Variants in RXFP2 observed in about 807,000 individuals in gnomAD.
RXFP2 encodes relaxin receptor 2.
Under a neutral mutation model 88.6 loss-of-function variants are expected in RXFP2, and 68 were observed. That is an observed-to-expected ratio of 0.77 (90% CI 0.63 to 0.94). The LOEUF is 0.94. Among genes scored for constraint, RXFP2 ranks in the 40% least tolerant of loss-of-function variants. The pLI is 0.00. For synonymous variants in RXFP2, 329 were observed against 306.8 expected (o/e 1.07, Z -0.76); for missense variants, 791 against 893.9 (o/e 0.88, Z 1.47).
rs1874435361 is a variant in RXFP2, at chr13:31,803,163, A to T, written c.*758A>T. 6.6e-6 allele frequency: 1 copy of T among 152,290 alleles called. No individual in the cohort carries two copies. The highest frequency in any genetic ancestry group is 1.5e-5 in the Non-Finnish European group (1 of 68,072). The allele number at this position is 152,290 out of a possible 1,614,324, so 9.4% of individuals were successfully genotyped here. On this transcript the variant is annotated 3_prime_UTR_variant, in exon 18 of 18. Coordinates refer to ENST00000298386, the MANE Select transcript of RXFP2 (RefSeq NM_130806.5). ...TAAAGTATAATTTCTTTAGAGCAGT[A>T]TCCCTATTGCTGGCAAGTTCTGCTT...
At chr13:31,740,035 T>C (rs1871166409) in intron 1 of RXFP2, among the ~76,000 whole-genome samples, 2 of 152,128 alleles carry the variant, frequency 1.3e-5, no homozygotes, top group African/African-American at 4.8e-5. Flanking sequence ...ATTAATAAAC[T>C]AAAATTGTGT....
chr13:31,772,094 G>T (rs1872756572), intron 5 of RXFP2, among the ~76,000 whole-genome samples: 1 of 152,158 alleles, frequency 6.6e-6, no homozygotes, highest in African/African-American at 2.4e-5. Flanking sequence ...TTTCTAAATT[G>T]GGGGTGGATG....
rs1354267000 is a variant in RXFP2 at position 31,792,048 on chromosome 13, CCAG to C, written c.1375+14_1375+16del. 1 of 1,559,634 alleles carries C rather than the reference CCAG, an allele frequency of 6.4e-7. No individual in the cohort carries two copies. Among genetic ancestry groups the C allele is most frequent in the Non-Finnish European group, 8.8e-7 (1 of 1,130,668 alleles). On this transcript the variant is annotated intron_variant, in intron 15 of 17. Transcript: ENST00000298386. ...AAAATCCTTTGTTGTAAGTATGTTTCCAGTATAAGTAGATTAAGGATATCTTCT... is the reference window on the plus strand; with the variant it reads ...AAAATCCTTTGTTGTAAGTATGTTTCTATAAGTAGATTAAGGATATCTTCT...
chr13:31,754,017 G>A (rs1244737824), intron 1 of RXFP2, among the ~76,000 whole-genome samples: 1 of 152,144 alleles, frequency 6.6e-6, no homozygotes, highest in African/African-American at 2.4e-5. Context: ...TGGAAAATGG[G>A]GAATGACAAG....
At chr13:31,798,770 C>A (rs1438713001) in intron 17 of RXFP2, among the ~76,000 whole-genome samples, 1 of 152,166 alleles carries the variant, frequency 6.6e-6, no homozygotes, top group Non-Finnish European at 1.5e-5. Context: ...TGAGAAGACA[C>A]CAGCCTTTCC....
In RXFP2 at chr13:31,739,700, G is replaced by A. The variant is rs765506676; in HGVS notation, c.88G>A (p.Val30Ile). Residue 30 changes from valine to isoleucine, a missense_variant, in exon 1 of 18, where the codon GTC (valine) becomes ATC (isoleucine). Physicochemically the swap from Val to Ile is conservative, Grantham distance 29. Transcript: ENST00000298386. ...ACTTCATTTCATCGTTCTGATCAAT[G>A]TCAAAGGTAAGGTTGCTACTTTCTC... is the stretch of plus-strand genomic sequence containing the variant. The part of the protein sequence containing the change: ...FLLHFIVLIN[V>I]KDFALTQGSM... 1 of 1,595,280 alleles carries A rather than the reference G, an allele frequency of 6.3e-7. No individual in the cohort carries two copies. Among genetic ancestry groups the A allele is most frequent in the East Asian group, 2.2e-5 (1 of 44,760 alleles).
chr13:31,758,465 G>T (rs1872082049), intron 2 of RXFP2, 61 bp downstream of exon 2: 2 of 1,583,676 alleles, frequency 1.3e-6, no homozygotes, highest in South Asian at 2.2e-5. Flanking sequence ...AAAACTGTGG[G>T]TCGGTTGGAT....
chr13:31,778,206 A>G (rs1038819641), intron 8 of RXFP2, among the ~76,000 whole-genome samples: 1 of 152,200 alleles, frequency 6.6e-6, no homozygotes, highest in African/African-American at 2.4e-5. Context: ...GTTTACAAGG[A>G]AAATTACCAT....
intron 8 of RXFP2, among the ~76,000 whole-genome samples, chr13:31,778,109 A>G (rs1292317228): frequency 2.6e-5 from 4 of 152,298 alleles, no homozygotes; most frequent in African/African-American, 9.6e-5. Context: ...GCAGTTTCCA[A>G]TGTGGCCCTT....
intron 1 of RXFP2, among the ~76,000 whole-genome samples, chr13:31,746,132 C>A (rs1442961549): frequency 6.6e-6 from 1 of 152,178 alleles, no homozygotes; most frequent in Non-Finnish European, 1.5e-5. Flanking sequence ...TCCAGAACTC[C>A]AGCCCCTGAT....
At chr13:31,771,865 G>A (rs1048810398) in intron 5 of RXFP2, among the ~76,000 whole-genome samples, 1 of 151,594 alleles carries the variant, frequency 6.6e-6, no homozygotes, top group Non-Finnish European at 1.5e-5. Context: ...GTTGTCCTGC[G>A]AGATCACCAA....
Position 31,777,449 on chromosome 13 carries a change from T to A in RXFP2, c.713+2T>A. On this transcript the variant is annotated splice_donor_variant, in intron 8 of 17. Transcript: ENST00000298386. LOFTEE classifies it high-confidence loss of function. ...GGGATTAAATTCCTTGTTTTTCCTGTAAGTATTCATCAACCTTTCAATACA... is the reference window on the plus strand; with the variant it reads ...GGGATTAAATTCCTTGTTTTTCCTGAAAGTATTCATCAACCTTTCAATACA... 1 of 1,596,794 alleles carries A rather than the reference T, an allele frequency of 6.3e-7. No individual in the cohort carries two copies. The highest frequency in any genetic ancestry group is 8.6e-7 in the Non-Finnish European group (1 of 1,165,406).
Position 31,765,090 on chromosome 13 carries a change from G to T in RXFP2, c.373G>T (p.Val125Leu), listed in dbSNP as rs1486482691. 6.2e-7 allele frequency: 1 copy of T among 1,612,204 alleles called. No individual in the cohort carries two copies. Among genetic ancestry groups the T allele is most frequent in the South Asian group, 1.1e-5 (1 of 91,046 alleles). The change falls in exon 4 of 18, where the codon GTA (valine) becomes TTA (leucine). Residue 125 changes from valine to leucine, a missense_variant. By Grantham distance (32) the Val-to-Leu change is conservative. Coordinates refer to ENST00000298386, the MANE Select transcript of RXFP2 (RefSeq NM_130806.5). Reference sequence around the variant, plus strand: ...CTGCAAAGAAACTGAATTGGAATGTGTAAATGGTGACTTAAAGTCTGTGCC... The same window carrying T: ...CTGCAAAGAAACTGAATTGGAATGTTTAAATGGTGACTTAAAGTCTGTGCC... Reference protein sequence around the residue: ...CDCKETELECVNGDLKSVPMI... With the variant: ...CDCKETELECLNGDLKSVPMI...
At chr13:31,787,242 A>T (rs191712700) in intron 13 of RXFP2, among the ~76,000 whole-genome samples, 4 of 152,216 alleles carry the variant, frequency 2.6e-5, no homozygotes, top group Admixed American at 2.6e-4. Flanking sequence ...ACAGCAGACT[A>T]CGCTGCCTGA....
At chr13:31,778,036 T>C (rs1195231526) in intron 8 of RXFP2, among the ~76,000 whole-genome samples, 1 of 152,212 alleles carries the variant, frequency 6.6e-6, no homozygotes, top group African/African-American at 2.4e-5. Flanking sequence ...TCCTGCAGCT[T>C]AACATGCTCA....
intron 7 of RXFP2, among the ~76,000 whole-genome samples, chr13:31,775,754 G>T (rs148478319): frequency 8.5e-5 from 13 of 152,368 alleles, no homozygotes; most frequent in Admixed American, 5.2e-4. Flanking sequence ...TTAAGAACTT[G>T]TTCTGCTTTC....
At chr13:31,787,711 C>T (rs1264701521) in intron 13 of RXFP2, among the ~76,000 whole-genome samples, 6 of 152,198 alleles carry the variant, frequency 3.9e-5, no homozygotes, top group Non-Finnish European at 8.8e-5. Flanking sequence ...ACAAGCTTGG[C>T]TCACTGCAAC....
At chr13:31,794,212 C>T (rs1873920165) in intron 16 of RXFP2, among the ~76,000 whole-genome samples, 1 of 152,120 alleles carries the variant, frequency 6.6e-6, no homozygotes, top group South Asian at 2.1e-4. Context: ...TAGTAATACC[C>T]CTCACACACT....
At chr13:31,778,679 T>C (rs903971088) in intron 9 of RXFP2, 96 bp downstream of exon 9, 1 of 928,174 alleles carries the variant, frequency 1.1e-6, no homozygotes, top group Non-Finnish European at 1.8e-6. Flanking sequence ...CCATCTATAA[T>C]TTCTTTCCAA....
Sources: allele counts gnomAD v4.1 joint callset (sites outside exome capture counted in the v4.1 genomes callset), GRCh38; gene constraint gnomAD v4.1.1; transcripts MANE v1.5; gene names NCBI Gene and HGNC (gene_info 2026-07-23, HGNC 2026-07-21).